The following PBX3 variants were observed in gnomAD, a reference collection of about 807,000 sequenced individuals.
PBX3 encodes pre-B-cell leukemia transcription factor 3.
In PBX3, 14 loss-of-function variants were observed where a neutral mutation model predicts 48.5. The ratio of observed to expected loss-of-function variants is 0.29; its 90% CI spans 0.19 to 0.45. The LOEUF (loss-of-function observed/expected upper bound fraction) is 0.45. Among genes scored for constraint, PBX3 ranks in the 20% least tolerant of loss-of-function variants. The pLI is 1.00. For synonymous variants in PBX3, 210 were observed against 200.3 expected, an observed-to-expected ratio of 1.05 and a Z score of -0.41; for missense variants, 386 against 546.7, an observed-to-expected ratio of 0.71 and a Z score of 2.93.
At chr9:125,750,525 A>C (rs1183850412) in intron 2 of PBX3, among the ~76,000 whole-genome samples, 1 of 152,240 alleles carries the variant, frequency 6.6e-6, no homozygotes, top group Non-Finnish European at 1.5e-5. Flanking sequence ...GTTACGAAAA[A>C]GAAACAAATC....
In PBX3 at chr9:125,786,708, G is replaced by A. The variant is rs542499838; in HGVS notation, c.274+38085G>A. Among the ~76,000 whole-genome samples, 364 of 151,956 alleles carry A rather than the reference G, an allele frequency of 2.4e-3. 2 individuals carry two copies. Among genetic ancestry groups the A allele is most frequent in the African/African-American group, 8.4e-3 (347 of 41,434 alleles). ...TTTTAAGACTGGAGATAAAGTGAGA[G>A]ATAGGTAAGTATGTAGAGATTTTTT... On this transcript the variant is annotated intron_variant, in intron 2 of 8. Coordinates refer to ENST00000373489, the MANE Select transcript of PBX3 (RefSeq NM_006195.6).
At chr9:125,806,585 C>G (rs1838132005) in intron 2 of PBX3, among the ~76,000 whole-genome samples, 1 of 152,126 alleles carries the variant, frequency 6.6e-6, no homozygotes, top group Non-Finnish European at 1.5e-5. Flanking sequence ...GATGGCAGAG[C>G]CTGTGTGGCC....
Position 125,892,396 on chromosome 9 carries a change from CAGAA to C in PBX3, c.275-23287_275-23284del, listed in dbSNP as rs1476818441. ...TCCAAAATAAGTTAATTTTTAAAAT[CAGAA>C]AGCAGAAGTGATAAATTATGAATAT... is the stretch of plus-strand genomic sequence containing the variant. On this transcript the variant is annotated intron_variant, in intron 2 of 8. Transcript: ENST00000373489. Among the ~76,000 whole-genome samples the C allele has an allele frequency of 1.2e-4, 18 of 152,050 alleles. No homozygotes were observed. In the South Asian group the frequency reaches 1.2e-3, roughly 11 times the overall value.
intron 2 of PBX3, among the ~76,000 whole-genome samples, chr9:125,851,926 C>CT (rs1368788958): frequency 1.4e-5 from 2 of 147,648 alleles, no homozygotes; most frequent in African/African-American, 5.0e-5. Flanking sequence ...ATTAGCCTCC[C>CT]TTAGATGTGG....
chr9:125,867,207 C>T (rs781036474), intron 2 of PBX3, among the ~76,000 whole-genome samples: 3 of 151,722 alleles, frequency 2.0e-5, no homozygotes, highest in Non-Finnish European at 4.4e-5. Context: ...TAGATGTGTC[C>T]CCGGTCCTCC....
intron 2 of PBX3, among the ~76,000 whole-genome samples, chr9:125,850,468 A>G (rs967658934): frequency 2.0e-5 from 3 of 152,098 alleles, no homozygotes; most frequent in Non-Finnish European, 2.9e-5. Flanking sequence ...TTTTGAAAAC[A>G]TAGTAATTAT....
intron 2 of PBX3, chr9:125,843,928 G>C: frequency 3.1e-6 from 1 of 322,810 alleles, no homozygotes; most frequent in South Asian, 2.4e-5. Context: ...TGAGATTGAA[G>C]TGAAATTTGG....
intron 2 of PBX3, among the ~76,000 whole-genome samples, chr9:125,781,560 A>AGAGGGGC (rs1837314367): frequency 1.4e-5 from 1 of 71,776 alleles, no homozygotes. Context: ...GGGAGAGGGG[A>AGAGGGGC]GAGGCGAGAG....
chr9:125,796,837 CAT>C (rs1837796210), intron 2 of PBX3, among the ~76,000 whole-genome samples: 1 of 151,990 alleles, frequency 6.6e-6, no homozygotes, highest in Non-Finnish European at 1.5e-5. Flanking sequence ...ATGAGAGTGT[CAT>C]ATTAACTGTA....
At chr9:125,831,029 C>T (rs1334648842) in intron 2 of PBX3, among the ~76,000 whole-genome samples, 1 of 152,140 alleles carries the variant, frequency 6.6e-6, no homozygotes, top group Non-Finnish European at 1.5e-5. Flanking sequence ...CTGCCCCCCA[C>T]CTGTCCTTTT....
intron 2 of PBX3, among the ~76,000 whole-genome samples, chr9:125,828,396 A>G (rs1372444367): frequency 5.9e-5 from 9 of 152,194 alleles, no homozygotes; most frequent in South Asian, 2.1e-4. Flanking sequence ...CCAAGTCACA[A>G]TAATGATTTA....
At position 125,897,141 on chromosome 9, in the gene PBX3, G is replaced by GTTTTTTTTTTTTTTTTTTT. The variant is rs371641194; in HGVS notation, c.275-18542_275-18524dup. 3.7e-5 allele frequency among the ~76,000 whole-genome samples: 4 copies of GTTTTTTTTTTTTTTTTTTT among 108,926 alleles called. 1 individual carries two copies. Among genetic ancestry groups the GTTTTTTTTTTTTTTTTTTT allele is most frequent in the African/African-American group, 7.1e-5 (2 of 28,260 alleles). 71.5% of individuals were successfully genotyped at this position (108,926 alleles called of 152,430 possible). A position where few individuals can be genotyped will look rare whatever the true frequency, so the allele number is the denominator to read the frequency against. On this transcript the variant is annotated intron_variant, in intron 2 of 8. Coordinates refer to ENST00000373489, the MANE Select transcript of PBX3 (RefSeq NM_006195.6). ...CATGTGGGCTTTATATTCATTTGTG[G>GTTTTTTTTTTTTTTTTTTT]TTTTTTTTTTTTTTTTTTTTTCCTG...
intron 1 of PBX3, 166 bp from the exon 2 acceptor site, chr9:125,748,384 G>C: frequency 2.2e-6 from 3 of 1,354,232 alleles, no homozygotes; most frequent in Non-Finnish European, 2.9e-6. Context: ...GGGGCTTGCT[G>C]GCTGTCGGGA....
chr9:125,896,036 C>T (rs183220355), intron 2 of PBX3, among the ~76,000 whole-genome samples: 65 of 152,174 alleles, frequency 4.3e-4, no homozygotes, highest in Non-Finnish European at 6.9e-4. Context: ...AAAATACTCA[C>T]TTATTCCCTT....
chr9:125,939,244 G>T (rs895992519), intron 5 of PBX3, among the ~76,000 whole-genome samples: 10 of 151,856 alleles, frequency 6.6e-5, no homozygotes, highest in Non-Finnish European at 1.5e-4. Flanking sequence ...AAATATATAA[G>T]GAACTCCTAT....
intron 2 of PBX3, among the ~76,000 whole-genome samples, chr9:125,857,011 G>A (rs2132277302): frequency 1.3e-5 from 2 of 152,244 alleles, no homozygotes; most frequent in Middle Eastern, 6.8e-3. Flanking sequence ...AGCTATAAAT[G>A]AAGAAGATAT....
intron 2 of PBX3, among the ~76,000 whole-genome samples, chr9:125,785,793 T>C (rs989135299): frequency 2.7e-4 from 41 of 152,208 alleles, no homozygotes; most frequent in African/African-American, 9.9e-4. Flanking sequence ...TAAGATCTCT[T>C]CTGCTTTCTT....
At chr9:125,873,160 G>A (rs1417616137) in intron 2 of PBX3, among the ~76,000 whole-genome samples, 3 of 152,010 alleles carry the variant, frequency 2.0e-5, no homozygotes, top group Admixed American at 6.6e-5. Context: ...ACTCCAGCCT[G>A]GGCGACAGAG....
chr9:125,823,158 T>A (rs1052829040), intron 2 of PBX3, among the ~76,000 whole-genome samples: 1 of 152,194 alleles, frequency 6.6e-6, no homozygotes, highest in Non-Finnish European at 1.5e-5. Flanking sequence ...AATACAGTTG[T>A]GGGAAAAGTG....
Sources: gnomAD v4.1 joint callset for allele counts (sites outside exome capture counted in the v4.1 genomes callset) on GRCh38, gnomAD v4.1.1 for gene constraint, MANE v1.5 for transcripts, NCBI Gene and HGNC (gene_info 2026-07-23, HGNC 2026-07-21) for gene names.